Variants in PARD3 observed in about 807,000 individuals in gnomAD.
The protein encoded by PARD3 is par-3 family cell polarity regulator, also known as partitioning defective 3 homolog.
Under a neutral mutation model 155.4 loss-of-function variants are expected in PARD3, and 75 were observed. The ratio of observed to expected loss-of-function variants is 0.48; its 90% CI spans 0.40 to 0.58. The LOEUF is 0.58. Ranked by LOEUF, PARD3 falls within the 20% of genes least tolerant of loss-of-function variation. The probability of loss-of-function intolerance (pLI) is 0.00; values close to 1 mark genes in which losing one functional copy is unlikely to be tolerated. For synonymous variants in PARD3, 576 were observed against 610.5 expected (o/e 0.94, Z 0.83); for missense variants, 1,642 against 1,721.7 (o/e 0.95, Z 0.82).
At chr10:34,599,555 T>C (rs2089591221) in intron 2 of PARD3, among the ~76,000 whole-genome samples, 1 of 152,226 alleles carries the variant, frequency 6.6e-6, no homozygotes, top group Non-Finnish European at 1.5e-5. Context: ...CTTCAAGTAT[T>C]TGAATGAACC....
At chr10:34,452,305 T>C (rs1352287493) in intron 4 of PARD3, among the ~76,000 whole-genome samples, 2 of 152,262 alleles carry the variant, frequency 1.3e-5, no homozygotes, top group South Asian at 4.2e-4. Context: ...ACAGTACCAG[T>C]TCATGAGGGG....
intron 10 of PARD3, among the ~76,000 whole-genome samples, chr10:34,376,633 T>A (rs1841279724): frequency 6.6e-6 from 1 of 152,218 alleles, no homozygotes; most frequent in Non-Finnish European, 1.5e-5. Context: ...ACATACGTTG[T>A]CACATGCACA....
In PARD3 at chr10:34,378,118, AAGG is replaced by A. The variant is rs1223473698; in HGVS notation, c.1400-15_1400-13del. On this transcript the variant is annotated splice_polypyrimidine_tract_variant and intron_variant, in intron 9 of 24. Coordinates refer to ENST00000374788, the MANE Select transcript of PARD3 (RefSeq NM_001184785.2). ...CAAACCTTCTGTACCTAGGTATGTGAAGGAGAAGAAAAGTAAATAAAATGAGAT... is the reference window on the plus strand; with the variant it reads ...CAAACCTTCTGTACCTAGGTATGTGAAGAAGAAAAGTAAATAAAATGAGAT... 1.9e-6 allele frequency: 3 copies of A among 1,562,700 alleles called. No homozygotes were observed. Among genetic ancestry groups the A allele is most frequent in the African/African-American group, 1.4e-5 (1 of 71,352 alleles).
intron 2 of PARD3, among the ~76,000 whole-genome samples, chr10:34,618,049 G>A (rs995033443): frequency 6.6e-6 from 1 of 152,116 alleles, no homozygotes; most frequent in Non-Finnish European, 1.5e-5. Context: ...ATAGAGGACC[G>A]TCAAAACTAT....
At chr10:34,145,187 G>GTATA (rs1564429454) in intron 22 of PARD3, among the ~76,000 whole-genome samples, 7 of 84,594 alleles carry the variant, frequency 8.3e-5, no homozygotes, top group African/African-American at 2.3e-4. Context: ...GTGTGTGTGT[G>GTATA]TGTATATATA....
intron 20 of PARD3, among the ~76,000 whole-genome samples, chr10:34,291,968 G>A (rs1956696216): frequency 6.6e-6 from 1 of 152,152 alleles, no homozygotes; most frequent in African/African-American, 2.4e-5. Flanking sequence ...ATCTCGGAAG[G>A]CCAGGGATTT....
intron 14 of PARD3, among the ~76,000 whole-genome samples, chr10:34,350,614 C>CAG (rs1837952720): frequency 1.7e-5 from 2 of 118,088 alleles, no homozygotes; most frequent in South Asian, 5.1e-4. Context: ...GCCTGGCTAA[C>CAG]AGAGAGACTC....
chr10:34,707,423 C>T (rs2094382160), intron 1 of PARD3, among the ~76,000 whole-genome samples: 1 of 151,958 alleles, frequency 6.6e-6, no homozygotes, highest in Non-Finnish European at 1.5e-5. Context: ...CAATCCCAAG[C>T]GGGATACACC....
At chr10:34,472,076 T>C (rs774535386) in intron 3 of PARD3, among the ~76,000 whole-genome samples, 4 of 152,178 alleles carry the variant, frequency 2.6e-5, no homozygotes, top group Non-Finnish European at 5.9e-5. Flanking sequence ...AACAGAAGCA[T>C]ATGAAACATA....
chr10:34,511,754 T>C (rs1036463529), intron 3 of PARD3, among the ~76,000 whole-genome samples: 1 of 152,066 alleles, frequency 6.6e-6, no homozygotes, highest in African/African-American at 2.4e-5. Context: ...TGTGACAGAC[T>C]CTCCCTCTGT....
chr10:34,481,077 C>T (rs2079056150), intron 3 of PARD3, among the ~76,000 whole-genome samples: 2 of 152,160 alleles, frequency 1.3e-5, no homozygotes, highest in African/African-American at 4.8e-5. Context: ...GCTGGGGTTA[C>T]AGGTGTGAGC....
At chr10:34,742,905 G>C (rs909694495) in intron 1 of PARD3, among the ~76,000 whole-genome samples, 5 of 152,116 alleles carry the variant, frequency 3.3e-5, no homozygotes, top group African/African-American at 1.2e-4. Context: ...CCTACCACAG[G>C]CTCCTTCACT....
At chr10:34,699,680 T>C (rs545371129) in intron 1 of PARD3, among the ~76,000 whole-genome samples, 4 of 152,296 alleles carry the variant, frequency 2.6e-5, no homozygotes, top group Admixed American at 6.5e-5. Flanking sequence ...AAAATTGTGA[T>C]AAGGTCCGGC....
intron 5 of PARD3, among the ~76,000 whole-genome samples, chr10:34,408,826 A>G (rs769268148): frequency 1.3e-5 from 2 of 151,416 alleles, no homozygotes; most frequent in Admixed American, 6.6e-5. Context: ...AGAAAAGACA[A>G]TATTAGATAA....
At chr10:34,779,086 G>A (rs560619788) in intron 1 of PARD3, among the ~76,000 whole-genome samples, 9 of 149,568 alleles carry the variant, frequency 6.0e-5, no homozygotes, top group Admixed American at 2.0e-4. Flanking sequence ...CGAGGTGGGC[G>A]GATCACTTGG....
chr10:34,577,352 T>C (rs1352985161), intron 2 of PARD3, among the ~76,000 whole-genome samples: 2 of 152,184 alleles, frequency 1.3e-5, no homozygotes. Flanking sequence ...AATATGTCCA[T>C]TTATATGCTG....
chr10:34,751,947 T>A lies in PARD3; in HGVS notation c.121-55528A>T, dbSNP rs545739695. Among the ~76,000 whole-genome samples the A allele has an allele frequency of 5.9e-5, 9 of 152,204 alleles. No individual in the cohort carries two copies. The East Asian group carries it at 1.4e-3, about 23-fold the overall frequency. On this transcript the variant is annotated intron_variant, in intron 1 of 24. Transcript: ENST00000374788. ...ATGAGAAACTGGAATTGTGAGCCTC[T>A]TTCTTTAGCCTCTCAGCTTCCTCGG... is the stretch of plus-strand genomic sequence containing the variant.
chr10:34,149,811 C>T (rs764025157), intron 22 of PARD3, among the ~76,000 whole-genome samples: 2 of 152,250 alleles, frequency 1.3e-5, no homozygotes, highest in African/African-American at 2.4e-5. Flanking sequence ...TTCCTCTGAT[C>T]GTAGATTAAG....
At chr10:34,661,762 G>A (rs2093331518) in intron 2 of PARD3, among the ~76,000 whole-genome samples, 1 of 152,132 alleles carries the variant, frequency 6.6e-6, no homozygotes, top group Non-Finnish European at 1.5e-5. Context: ...TCAAATGTTG[G>A]GCAAAACAGC....
Sources: gnomAD v4.1 joint callset for allele counts (sites outside exome capture counted in the v4.1 genomes callset) on GRCh38, gnomAD v4.1.1 for gene constraint, MANE v1.5 for transcripts, NCBI Gene and HGNC (gene_info 2026-07-23, HGNC 2026-07-21) for gene names.